SMARCD1: variants seen among roughly 807,000 people sequenced by gnomAD.
The protein encoded by SMARCD1 is SWI/SNF related BAF chromatin remodeling complex subunit D1.
Under a neutral mutation model 70.8 loss-of-function variants are expected in SMARCD1, and 16 were observed. That is an observed-to-expected ratio of 0.23 (90% CI 0.15 to 0.34). The LOEUF is 0.34. Ranked by LOEUF, SMARCD1 falls within the 10% of genes least tolerant of loss-of-function variation. The probability of loss-of-function intolerance (pLI) is 1.00; values close to 1 mark genes in which losing one functional copy is unlikely to be tolerated. For missense variants in SMARCD1, 409 were observed against 655.5 expected (o/e 0.62, Z 4.11); for synonymous variants, 249 against 246.0 (o/e 1.01, Z -0.11).
intron 10 of SMARCD1, 31 bp from the exon 11 acceptor site, chr12:50,096,819 A>C: frequency 6.3e-7 from 1 of 1,578,146 alleles, no homozygotes; most frequent in Non-Finnish European, 8.7e-7. Context: ...TTCTAGTTTG[A>C]AAATGGTATG....
chr12:50,094,797 C>CT (rs1057293932), intron 10 of SMARCD1, among the ~76,000 whole-genome samples: 1 of 152,014 alleles, frequency 6.6e-6, no homozygotes, highest in African/African-American at 2.4e-5. Context: ...ACCATAGTAC[C>CT]TTTTTTTTCC....
In SMARCD1 at chr12:50,086,636, G is replaced by T; in HGVS notation, c.381G>T (p.Lys127Asn). The T allele has an allele frequency of 6.2e-7, 1 of 1,614,086 alleles. No homozygotes were observed. The highest frequency in any genetic ancestry group is 8.5e-7 in the Non-Finnish European group (1 of 1,179,962). ...QNRNHNAKKK[K>N]MADKILPQRI... ...TTCCCAACAGTGCAAAGAAAAAGAA[G>T]ATGGCTGACAAAATTCTACCTCAAA... Residue 127 changes from lysine (K) to asparagine (N), a missense_variant, in exon 3 of 13, where the codon AAG (lysine) becomes AAT (asparagine). By Grantham distance (94) the Lys-to-Asn change is moderately conservative (BLOSUM62 0). Transcript: ENST00000394963.
chr12:50,097,298 C>A (rs1294877992), intron 11 of SMARCD1, among the ~76,000 whole-genome samples: 1 of 152,212 alleles, frequency 6.6e-6, no homozygotes, highest in Non-Finnish European at 1.5e-5. Context: ...CACCTGTAAT[C>A]CCAGCACTTT....
rs781383746 is a variant in SMARCD1, at chr12:50,086,718, G to A, written c.409-38G>A. The A allele has an allele frequency of 7.4e-6, 12 of 1,613,824 alleles. No individual in the cohort carries two copies. In the African/African-American group the frequency reaches 1.3e-4, roughly 18 times the overall value. Reference sequence around the variant, plus strand: ...GTGTGGTGAGTTTGAGTATAGAGATGATCATCCTAGATTTCAATTAATTTT... The same window carrying A: ...GTGTGGTGAGTTTGAGTATAGAGATAATCATCCTAGATTTCAATTAATTTT... On this transcript the variant is annotated intron_variant, in intron 3 of 12. Coordinates refer to ENST00000394963, the MANE Select transcript of SMARCD1 (RefSeq NM_003076.5).
intron 9 of SMARCD1, among the ~76,000 whole-genome samples, chr12:50,092,189 A>G (rs1592290585): frequency 7.1e-6 from 1 of 140,044 alleles, no homozygotes; most frequent in African/African-American, 2.7e-5. Context: ...CCTTTATTCC[A>G]TATTAATTCT....
intron 11 of SMARCD1, among the ~76,000 whole-genome samples, chr12:50,098,069 A>G (rs1950908763): frequency 6.6e-6 from 1 of 152,168 alleles, no homozygotes; most frequent in African/African-American, 2.4e-5. Context: ...AGGAATGGGC[A>G]CAGAGTATGA....
At position 50,090,549 on chromosome 12, in the gene SMARCD1, G is replaced by A; in HGVS notation, c.1092G>A (p.Leu364=). The A allele has an allele frequency of 6.2e-7, 1 of 1,614,042 alleles. No individual in the cohort carries two copies. The change falls in exon 9 of 13, where the codon TTG becomes TTA. Residue 364 remains leucine, a synonymous_variant. Coordinates refer to ENST00000394963, the MANE Select transcript of SMARCD1 (RefSeq NM_003076.5). ...FSEIPQRLHA[L]LMPPEPIIIN... ...AGATCCCTCAGCGGCTCCATGCCTT[G>A]CTTATGCCACCAGAACCTATCATCA...
At position 50,099,162 on chromosome 12, in the gene SMARCD1, TC is replaced by T. The variant is rs887238167; in HGVS notation, c.*164del. On this transcript the variant is annotated 3_prime_UTR_variant, in exon 13 of 13. Transcript: ENST00000394963. ...AGAGGGTCTCACAAGACACCTGTTATCCTCTTCTTTCACCCTATCTCTTCCC... is the reference window on the plus strand; with the variant it reads ...AGAGGGTCTCACAAGACACCTGTTATCTCTTCTTTCACCCTATCTCTTCCC... 2 of 659,234 alleles carry T rather than the reference TC, an allele frequency of 3.0e-6. No homozygotes were observed. The highest frequency in any genetic ancestry group is 5.4e-6 in the Non-Finnish European group (2 of 371,226). The allele number at this position is 659,234 out of a possible 1,614,324, so 40.8% of individuals were successfully genotyped here. A position where few individuals can be genotyped will look rare whatever the true frequency, so the allele number is the denominator to read the frequency against.
In SMARCD1 at chr12:50,094,646, A is replaced by G. The variant is rs978967707; in HGVS notation, c.1269+74A>G. 1.0e-5 allele frequency: 15 copies of G among 1,440,880 alleles called. No homozygotes were observed. In the African/African-American group the frequency reaches 2.3e-4, roughly 22 times the overall value. 89.3% of individuals were successfully genotyped at this position (1,440,880 alleles called of 1,614,324 possible). A position where few individuals can be genotyped will look rare whatever the true frequency, so the allele number is the denominator to read the frequency against. ...GCTTCAAGGCCTCCTTTTGATTCTT[A>G]GTGTTCATTCAAAATACGGTGACAC... On this transcript the variant is annotated intron_variant, in intron 10 of 12. Coordinates refer to ENST00000394963, the MANE Select transcript of SMARCD1 (RefSeq NM_003076.5).
In SMARCD1 at chr12:50,090,699, C is replaced by T. The variant is rs111801881; in HGVS notation, c.1133+109C>T. 23 of 658,908 alleles carry T rather than the reference C, an allele frequency of 3.5e-5. No individual in the cohort carries two copies. The African/African-American group carries it at 3.6e-4, about 10-fold the overall frequency. The allele number at this position is 658,908 out of a possible 1,614,324, so 40.8% of individuals were successfully genotyped here. On this transcript the variant is annotated intron_variant, in intron 9 of 12. Coordinates refer to ENST00000394963, the MANE Select transcript of SMARCD1 (RefSeq NM_003076.5). Reference sequence around the variant, plus strand: ...TTTGCAAACAGGTTGTTAAACACAACTGTTACACTGTTACTTACAATTAAA... The same window carrying T: ...TTTGCAAACAGGTTGTTAAACACAATTGTTACACTGTTACTTACAATTAAA...
chr12:50,100,247 G>A lies in SMARCD1; in HGVS notation c.*1247G>A, dbSNP rs1360185527. ...CAGACTCAACACAGCAAGGGTGGGAGACAGCTGGGCACAAAGGGGGAATTC... is the reference window on the plus strand; with the variant it reads ...CAGACTCAACACAGCAAGGGTGGGAAACAGCTGGGCACAAAGGGGGAATTC... On this transcript the variant is annotated 3_prime_UTR_variant, in exon 13 of 13. Coordinates refer to ENST00000394963, the MANE Select transcript of SMARCD1 (RefSeq NM_003076.5). The A allele has an allele frequency of 6.6e-6, 1 of 152,644 alleles. No individual in the cohort carries two copies. The highest frequency in any genetic ancestry group is 1.5e-5 in the Non-Finnish European group (1 of 68,082). The allele number at this position is 152,644 out of a possible 1,614,324, so 9.5% of individuals were successfully genotyped here.
intron 9 of SMARCD1, among the ~76,000 whole-genome samples, chr12:50,093,489 T>G (rs1349590197): frequency 6.6e-6 from 1 of 151,600 alleles, no homozygotes; most frequent in Non-Finnish European, 1.5e-5. Flanking sequence ...ATTATTATTA[T>G]TATTTCTTTT....
At chr12:50,087,905 G>C (rs1950806104) in intron 5 of SMARCD1, among the ~76,000 whole-genome samples, 1 of 151,926 alleles carries the variant, frequency 6.6e-6, no homozygotes, top group Non-Finnish European at 1.5e-5. Context: ...GATTTCTCTT[G>C]ACAGGCTCTT....
chr12:50,096,813 A>T, intron 10 of SMARCD1, 37 bp from the exon 11 acceptor site: 1 of 1,575,914 alleles, frequency 6.3e-7, no homozygotes, highest in Non-Finnish European at 8.7e-7. Flanking sequence ...TCATTTTTCT[A>T]GTTTGAAAAT....
intron 4 of SMARCD1, 76 bp downstream of exon 4, chr12:50,086,954 C>A: frequency 6.9e-7 from 1 of 1,453,360 alleles, no homozygotes; most frequent in Non-Finnish European, 9.5e-7. Flanking sequence ...GATGAGAAAT[C>A]AAAGGCACAG....
intron 11 of SMARCD1, among the ~76,000 whole-genome samples, chr12:50,097,891 CAAAAAAAAAAA>C (rs749628224): frequency 2.4e-5 from 1 of 42,190 alleles, no homozygotes; most frequent in East Asian, 7.6e-4. Flanking sequence ...GACTCCATCT[CAAAAAAAAAAA>C]AAAAAAAAAA....
At chr12:50,093,013 TA>T (rs1174302945) in intron 9 of SMARCD1, among the ~76,000 whole-genome samples, 2 of 151,764 alleles carry the variant, frequency 1.3e-5, no homozygotes, top group African/African-American at 4.8e-5. Context: ...CCATCTCTAC[TA>T]AAAATACAAA....
At chr12:50,085,916 G>C (rs953897623) in intron 1 of SMARCD1, 6 of 400,712 alleles carry the variant, frequency 1.5e-5, no homozygotes, top group Non-Finnish European at 2.6e-5. Flanking sequence ...ATGTGGAACT[G>C]GCGATGTCCG....
In SMARCD1 at chr12:50,088,697, G is replaced by A. The variant is rs545552040; in HGVS notation, c.771+60G>A. ...TTGGAGGATGATGGACTTGGGAGCC[G>A]TATTTTAATGTCTAAGGAGATGGGG... On this transcript the variant is annotated intron_variant, in intron 6 of 12. Coordinates refer to ENST00000394963, the MANE Select transcript of SMARCD1 (RefSeq NM_003076.5). 47 of 898,566 alleles carry A rather than the reference G, an allele frequency of 5.2e-5. 1 individual carries two copies. The East Asian group carries it at 6.9e-4, about 13-fold the overall frequency. The allele number at this position is 898,566 out of a possible 1,614,324, so 55.7% of individuals were successfully genotyped here. A position where few individuals can be genotyped will look rare whatever the true frequency, so the allele number is the denominator to read the frequency against.
Sources: allele counts gnomAD v4.1 joint callset (sites outside exome capture counted in the v4.1 genomes callset), GRCh38; gene constraint gnomAD v4.1.1; transcripts MANE v1.5; gene names NCBI Gene and HGNC (gene_info 2026-07-23, HGNC 2026-07-21).